The following FANK1 variants were observed in gnomAD, a reference collection of about 807,000 sequenced individuals.
FANK1 encodes fibronectin type III and ankyrin repeat domains 1.
FANK1 carries 44 observed loss-of-function variants against 45.3 expected under a neutral mutation model. The ratio of observed to expected loss-of-function variants is 0.97; its 90% CI spans 0.76 to 1.25. The LOEUF is 1.25. FANK1 is among the 50% of genes most tolerant of loss of function. FANK1 has a pLI of 0.00. For synonymous variants in FANK1, 149 were observed against 152.5 expected (o/e 0.98, Z 0.17); for missense variants, 391 against 424.4 (o/e 0.92, Z 0.69).
At position 125,993,900 on chromosome 10, in the gene FANK1, C is replaced by T. The variant is rs73370600; in HGVS notation, c.317-1517C>T. Among the ~76,000 whole-genome samples the T allele has an allele frequency of 7.5e-3, 1,142 of 152,302 alleles. 14 individuals carry two copies. The highest frequency in any genetic ancestry group is 0.023 in the African/African-American group (976 of 41,556). Reference sequence around the variant, plus strand: ...TTTTATGAAAGAAAGGAAAAGGTATCGGCTAAAGATCCTTCTGGTAGAAAT... The same window carrying T: ...TTTTATGAAAGAAAGGAAAAGGTATTGGCTAAAGATCCTTCTGGTAGAAAT... On this transcript the variant is annotated intron_variant, in intron 3 of 10. Coordinates refer to ENST00000368693, the MANE Select transcript of FANK1 (RefSeq NM_145235.5).
At chr10:125,986,563 C>T (rs976608150) in intron 2 of FANK1, among the ~76,000 whole-genome samples, 5 of 151,710 alleles carry the variant, frequency 3.3e-5, no homozygotes, top group Non-Finnish European at 7.3e-5. Context: ...CCTGACTCAC[C>T]GCAGTGAGAG....
rs147722681 is a variant in FANK1 at position 125,984,136 on chromosome 10, C to T, written c.191+3798C>T. The stretch of plus-strand genomic sequence containing the variant: ...GTGATGCTGCTGGAAGCATCAGCGT[C>T]ACAGTCTCAGTGGCTTATGGCAGCA... On this transcript the variant is annotated intron_variant, in intron 2 of 10. Transcript: ENST00000368693. Among the ~76,000 whole-genome samples the T allele has an allele frequency of 3.9e-3, 600 of 152,278 alleles. 7 individuals are homozygous for T. Among genetic ancestry groups the T allele is most frequent in the African/African-American group, 0.014 (576 of 41,544 alleles).
At chr10:125,929,027 G>T (rs1947570708) in intron 1 of FANK1, among the ~76,000 whole-genome samples, 1 of 152,206 alleles carries the variant, frequency 6.6e-6, no homozygotes, top group South Asian at 2.1e-4. Flanking sequence ...TCGATAATTT[G>T]AGTCTCTGTA....
intron 3 of FANK1, among the ~76,000 whole-genome samples, chr10:125,990,623 T>A (rs1446144868): frequency 1.3e-5 from 2 of 152,148 alleles, no homozygotes. Context: ...TCTAGCATCC[T>A]CTTAATAGCA....
chr10:125,996,657 G>C, intron 5 of FANK1, 33 bp downstream of exon 5: 4 of 1,598,130 alleles, frequency 2.5e-6, no homozygotes, highest in Non-Finnish European at 3.4e-6. Flanking sequence ...ATCTCTCTTG[G>C]GGATTTAACT....
chr10:125,978,878 T>A (rs543934566), intron 1 of FANK1, among the ~76,000 whole-genome samples: 42 of 152,328 alleles, frequency 2.8e-4, no homozygotes, highest in African/African-American at 9.4e-4. Flanking sequence ...TAAGTGTATG[T>A]ACAGGAGTCT....
chr10:125,913,846 G>A (rs1212793567), intron 1 of FANK1, among the ~76,000 whole-genome samples: 2 of 152,070 alleles, frequency 1.3e-5, no homozygotes, highest in Non-Finnish European at 2.9e-5. Flanking sequence ...CTTCGTGCCC[G>A]GCCTGTCAAG....
At chr10:125,953,796 G>A (rs1002189222) in intron 1 of FANK1, among the ~76,000 whole-genome samples, 1 of 152,160 alleles carries the variant, frequency 6.6e-6, no homozygotes, top group African/African-American at 2.4e-5. Flanking sequence ...TCCTAGCTGG[G>A]CACGCTGCTG....
At chr10:126,004,616 A>G (rs1953039889) in intron 6 of FANK1, 1 of 386,778 alleles carries the variant, frequency 2.6e-6, no homozygotes, top group East Asian at 5.4e-5. Context: ...GGAATCAGAC[A>G]ATATGTGGCC....
intron 3 of FANK1, 39 bp downstream of exon 3, chr10:125,988,714 T>C (rs1284456779): frequency 1.2e-6 from 2 of 1,614,156 alleles, no homozygotes; most frequent in South Asian, 2.2e-5. Flanking sequence ...TCTCTCTAGA[T>C]CAATGGAGAT....
intron 1 of FANK1, among the ~76,000 whole-genome samples, chr10:125,912,353 AC>A (rs1406621903): frequency 6.7e-6 from 1 of 149,552 alleles, no homozygotes; most frequent in African/African-American, 2.5e-5. Context: ...ACATATATCT[AC>A]CCCCCTCCTC....
At chr10:125,923,460 CAAA>C (rs72485360) in intron 1 of FANK1, among the ~76,000 whole-genome samples, 1 of 144,452 alleles carries the variant, frequency 6.9e-6, no homozygotes, top group South Asian at 2.2e-4. Flanking sequence ...GACCTTGTCT[CAAA>C]AAAAAAAAAT....
At chr10:125,968,026 T>C (rs1477445519) in intron 1 of FANK1, among the ~76,000 whole-genome samples, 1 of 152,110 alleles carries the variant, frequency 6.6e-6, no homozygotes, top group African/African-American at 2.4e-5. Flanking sequence ...CCATTACATG[T>C]TTTTCATATA....
intron 1 of FANK1, among the ~76,000 whole-genome samples, chr10:125,912,502 C>G (rs1946106104): frequency 6.7e-6 from 1 of 150,192 alleles, no homozygotes; most frequent in Non-Finnish European, 1.5e-5. Context: ...GAGATTAAAA[C>G]TTTAGGGAAA....
At chr10:125,989,346 C>T (rs1339257444) in intron 3 of FANK1, 1 of 1,551,230 alleles carries the variant, frequency 6.4e-7, no homozygotes, top group East Asian at 2.4e-5. Flanking sequence ...GGCCCACCCA[C>T]TGAAAACACA....
rs779824539 is a variant in FANK1 at position 126,009,432 on chromosome 10, C to T, written c.1032C>T (p.Val344=). Residue 344 remains valine (V), a synonymous_variant, in exon 11 of 11, where the codon GTC becomes GTT. Transcript: ENST00000368693. ...AGCAGAGGCCAAAGAAGTCTTGTGT[C>T]TGCTGATGAGAGCACCACTCATCTG... The part of the protein sequence containing the change: ...KKKQRPKKSC[V]C 2.5e-6 allele frequency: 4 copies of T among 1,614,158 alleles called. No homozygotes were observed. The highest frequency in any genetic ancestry group is 1.7e-5 in the Admixed American group (1 of 60,022).
rs185694667 is a variant in FANK1 at position 125,959,092 on chromosome 10, A to C, written c.14-21069A>C. ...TACAATGTTCTTCGAGTCATATTTA[A>C]ACATTTCTTAAGACATGAAATAGGC... On this transcript the variant is annotated intron_variant, in intron 1 of 10. Transcript: ENST00000368693. 4.9e-3 allele frequency among the ~76,000 whole-genome samples: 752 copies of C among 152,252 alleles called. 1 individual carries two copies. Among genetic ancestry groups the C allele is most frequent in the African/African-American group, 0.018 (731 of 41,554 alleles).
chr10:126,009,264 C>G lies in FANK1; in HGVS notation c.970C>G (p.Gln324Glu), dbSNP rs759308465. ...AGAAATGGCCAGAGTTTTTGACAGA[C>G]AGGTTGGGATGCTCTTTCTGCCTAT... ...VLEMARVFDR[Q>E]SVVSLLEERK... The change falls in exon 10 of 11, where the codon CAG becomes GAG. Residue 324 changes from glutamine to glutamate, a missense_variant and splice_region_variant. By Grantham distance (29) the Gln-to-Glu change is conservative (BLOSUM62 2). Transcript: ENST00000368693. The G allele has an allele frequency of 6.2e-6, 10 of 1,614,038 alleles. No individual in the cohort carries two copies. In the African/African-American group the frequency reaches 1.3e-4, roughly 22 times the overall value.
intron 1 of FANK1, among the ~76,000 whole-genome samples, chr10:125,941,530 CT>C (rs1948452187): frequency 6.6e-6 from 1 of 152,160 alleles, no homozygotes; most frequent in Non-Finnish European, 1.5e-5. Context: ...TAGCTATTGA[CT>C]AATAGATTTC....
Sources: allele counts gnomAD v4.1 joint callset (sites outside exome capture counted in the v4.1 genomes callset), GRCh38; gene constraint gnomAD v4.1.1; transcripts MANE v1.5; gene names NCBI Gene and HGNC (gene_info 2026-07-23, HGNC 2026-07-21).